The following ARHGAP10 variants were observed in gnomAD, a reference collection of about 807,000 sequenced individuals.
ARHGAP10 encodes rho GTPase-activating protein 10.
A neutral mutation model predicts 108.6 loss-of-function variants in ARHGAP10; 87 were observed. That is an observed-to-expected ratio of 0.80 (90% CI 0.67 to 0.96). ARHGAP10 has a LOEUF of 0.96. ARHGAP10 is among the 40% of genes least tolerant of loss of function. ARHGAP10 has a pLI of 0.00. For synonymous variants in ARHGAP10, 347 were observed against 341.1 expected, an observed-to-expected ratio of 1.02 and a Z score of -0.19; for missense variants, 939 against 954.5, an observed-to-expected ratio of 0.98 and a Z score of 0.21.
chr4:147,736,241 G>A (rs1026345667), intron 1 of ARHGAP10, among the ~76,000 whole-genome samples: 3 of 152,040 alleles, frequency 2.0e-5, no homozygotes, highest in East Asian at 1.9e-4. Context: ...GGCAGAGCCT[G>A]GACAAGAATT....
intron 3 of ARHGAP10, 66 bp from the exon 4 acceptor site, chr4:147,847,085 A>C (rs1277699022): frequency 7.5e-7 from 1 of 1,338,704 alleles, no homozygotes; most frequent in African/African-American, 1.5e-5. Context: ...AGGGAAATGA[A>C]ATACTAATTT....
intron 1 of ARHGAP10, among the ~76,000 whole-genome samples, chr4:147,771,326 T>TA (rs1235095443): frequency 3.9e-5 from 6 of 152,214 alleles, no homozygotes; most frequent in Non-Finnish European, 8.8e-5. Context: ...TTTTACTTTT[T>TA]AATTTTTGTG....
At chr4:147,851,606 T>C (rs936277701) in intron 4 of ARHGAP10, among the ~76,000 whole-genome samples, 1 of 152,236 alleles carries the variant, frequency 6.6e-6, no homozygotes, top group Admixed American at 6.5e-5. Flanking sequence ...ATTTCTCATA[T>C]TACATTGTAT....
intron 12 of ARHGAP10, among the ~76,000 whole-genome samples, chr4:147,911,803 T>C (rs1439632321): frequency 6.6e-6 from 1 of 152,156 alleles, no homozygotes; most frequent in East Asian, 1.9e-4. Flanking sequence ...ATGAATCATC[T>C]GTTTTAAATT....
chr4:148,038,907 CA>C (rs1354607528), intron 19 of ARHGAP10, among the ~76,000 whole-genome samples: 1 of 148,188 alleles, frequency 6.7e-6, no homozygotes, highest in Non-Finnish European at 1.5e-5. Context: ...TTTAAAATGA[CA>C]GTTTTTTTTG....
At chr4:148,007,168 T>C (rs1740983509) in intron 18 of ARHGAP10, among the ~76,000 whole-genome samples, 1 of 152,216 alleles carries the variant, frequency 6.6e-6, no homozygotes, top group South Asian at 2.1e-4. Context: ...ATATATGTGT[T>C]TGTGAAATGG....
At chr4:148,058,523 G>A (rs1729463103) in intron 20 of ARHGAP10, among the ~76,000 whole-genome samples, 1 of 152,210 alleles carries the variant, frequency 6.6e-6, no homozygotes, top group African/African-American at 2.4e-5. Context: ...AGAAATGTTT[G>A]TTAGATGCAG....
At chr4:147,862,617 A>G (rs1219035224) in intron 5 of ARHGAP10, 1 of 152,248 alleles carries the variant, frequency 6.6e-6, no homozygotes, top group East Asian at 1.9e-4. Flanking sequence ...TGGTGATTTA[A>G]TCACAGAGCA....
chr4:148,061,781 C>T (rs185919959), intron 20 of ARHGAP10, among the ~76,000 whole-genome samples: 15 of 152,258 alleles, frequency 9.9e-5, no homozygotes, highest in African/African-American at 2.2e-4. Context: ...TCCATGTCCC[C>T]GCCAATCTGC....
chr4:147,745,442 G>A (rs1263593769), intron 1 of ARHGAP10: 4 of 153,346 alleles, frequency 2.6e-5, no homozygotes, highest in South Asian at 2.1e-4. Context: ...CAGTGGGAGA[G>A]GAGGAGATGG....
chr4:148,069,040 C>G (rs1455510578), intron 22 of ARHGAP10, among the ~76,000 whole-genome samples: 2 of 152,018 alleles, frequency 1.3e-5, no homozygotes, highest in Non-Finnish European at 2.9e-5. Context: ...TGTTCTCCAC[C>G]CATAAGAATG....
At chr4:147,971,710 G>C (rs559825717) in intron 18 of ARHGAP10, among the ~76,000 whole-genome samples, 57 of 152,278 alleles carry the variant, frequency 3.7e-4, no homozygotes, top group African/African-American at 1.3e-3. Context: ...ATTCGGGCCA[G>C]GTGTGGGAGG....
At chr4:148,048,633 T>G (rs1459211115) in intron 20 of ARHGAP10, among the ~76,000 whole-genome samples, 1 of 152,236 alleles carries the variant, frequency 6.6e-6, no homozygotes, top group African/African-American at 2.4e-5. Flanking sequence ...CATGTGTGTA[T>G]GTTTTAGTGA....
intron 1 of ARHGAP10, among the ~76,000 whole-genome samples, chr4:147,759,151 A>G (rs1372150579): frequency 6.6e-6 from 1 of 152,190 alleles, no homozygotes. Flanking sequence ...TGATAGTAAT[A>G]AACTATTGTA....
At chr4:148,067,178 A>G (rs1037147455) in intron 22 of ARHGAP10, among the ~76,000 whole-genome samples, 2 of 152,258 alleles carry the variant, frequency 1.3e-5, no homozygotes, top group African/African-American at 4.8e-5. Flanking sequence ...CTTTTGCAGC[A>G]GGGCAGATAA....
chr4:147,768,946 C>T (rs1300579792), intron 1 of ARHGAP10, among the ~76,000 whole-genome samples: 1 of 152,026 alleles, frequency 6.6e-6, no homozygotes, highest in African/African-American at 2.4e-5. Context: ...CCATGTTGGC[C>T]AGGCTGGTTT....
intron 20 of ARHGAP10, among the ~76,000 whole-genome samples, chr4:148,052,366 T>G (rs1279858355): frequency 6.6e-6 from 1 of 150,664 alleles, no homozygotes; most frequent in Non-Finnish European, 1.5e-5. Flanking sequence ...AGATTTATCT[T>G]TTAAAAGTGT....
intron 1 of ARHGAP10, among the ~76,000 whole-genome samples, chr4:147,784,120 A>G (rs999476250): frequency 1.5e-4 from 19 of 126,490 alleles, no homozygotes; most frequent in Admixed American, 8.9e-5. Context: ...TATAATTTAC[A>G]TAACATTAAA....
chr4:148,029,403 CT>C (rs969046626), intron 19 of ARHGAP10, among the ~76,000 whole-genome samples: 16 of 152,198 alleles, frequency 1.1e-4, no homozygotes, highest in African/African-American at 3.9e-4. Flanking sequence ...TAGAATGCCT[CT>C]TTATGAAAAT....
Sources: allele counts gnomAD v4.1 joint callset (sites outside exome capture counted in the v4.1 genomes callset), GRCh38; gene constraint gnomAD v4.1.1; transcripts MANE v1.5; gene names NCBI Gene and HGNC (gene_info 2026-07-23, HGNC 2026-07-21).